The following COPG2 variants were observed in gnomAD, a reference collection of about 807,000 sequenced individuals.
COPG2 encodes coatomer subunit gamma-2.
COPG2 carries 37 observed loss-of-function variants against 46.3 expected under a neutral mutation model. The ratio of observed to expected loss-of-function variants is 0.80; its 90% CI spans 0.61 to 1.05. The LOEUF is 1.05. Among genes scored for constraint, COPG2 ranks in the 50% least tolerant of loss-of-function variants. COPG2 has a pLI of 0.00. For missense variants in COPG2, 427 were observed against 387.8 expected, an observed-to-expected ratio of 1.10 and a Z score of -0.85; for synonymous variants, 159 against 129.7, an observed-to-expected ratio of 1.23 and a Z score of -1.53.
At chr7:130,659,579 G>A (rs1006881727) in intron 4 of COPG2, among the ~76,000 whole-genome samples, 8 of 152,082 alleles carry the variant, frequency 5.3e-5, no homozygotes, top group Admixed American at 2.0e-4. Flanking sequence ...TAAAGTAGAA[G>A]TACATGTAAC....
At chr7:130,643,306 A>G (rs1795528158) in intron 5 of COPG2, among the ~76,000 whole-genome samples, 1 of 151,880 alleles carries the variant, frequency 6.6e-6, no homozygotes, top group Admixed American at 6.6e-5. Flanking sequence ...AAAAAAAAAA[A>G]ACCCACAAAA....
At chr7:130,668,176 C>T (rs1796126987) in intron 1 of COPG2, among the ~76,000 whole-genome samples, 1 of 152,202 alleles carries the variant, frequency 6.6e-6, no homozygotes, top group Admixed American at 6.5e-5. Flanking sequence ...CCGGTGACCC[C>T]AGGAAAACGA....
intron 20 of COPG2, among the ~76,000 whole-genome samples, chr7:130,539,605 A>G (rs1367737134): frequency 6.6e-6 from 1 of 152,212 alleles, no homozygotes; most frequent in Non-Finnish European, 1.5e-5. Context: ...ACAGACAGGC[A>G]GGTACCTTCC....
intron 9 of COPG2, among the ~76,000 whole-genome samples, chr7:130,586,979 T>C (rs1794286241): frequency 6.6e-6 from 1 of 151,976 alleles, no homozygotes; most frequent in Non-Finnish European, 1.5e-5. Context: ...TCCTATCCTT[T>C]AATATTAACC....
rs1021125104 is a variant in COPG2, at chr7:130,667,163, A to G, written c.91-234T>C. ...ACTTTATGGGCTATACCAGTTAAAT[A>G]AGGATCACAATACTTATCTATATCA... is the stretch of plus-strand genomic sequence containing the variant. On this transcript the variant is annotated intron_variant, in intron 2 of 23. Transcript: ENST00000425248. 3.9e-5 allele frequency among the ~76,000 whole-genome samples: 6 copies of G among 152,214 alleles called. No individual in the cohort carries two copies. The South Asian group carries it at 1.2e-3, about 32-fold the overall frequency.
At chr7:130,617,643 C>T (rs1554453085) in intron 5 of COPG2, among the ~76,000 whole-genome samples, 1 of 151,950 alleles carries the variant, frequency 6.6e-6, no homozygotes, top group Non-Finnish European at 1.5e-5. Flanking sequence ...AACCTTTTAC[C>T]CTCCCTTCTT....
At chr7:130,667,775 C>T (rs1009217489) in intron 1 of COPG2, among the ~76,000 whole-genome samples, 7 of 152,180 alleles carry the variant, frequency 4.6e-5, no homozygotes, top group African/African-American at 1.4e-4. Context: ...GTCTTCTTTC[C>T]CTGCCCTCTT....
At position 130,541,630 on chromosome 7, in the gene COPG2, T is replaced by C. The variant is rs1799938731; in HGVS notation, c.2149+6044A>G. ...AGAGGCAGATGTTCCCCAGAGTGTT[T>C]TTACACAGTGTGAAAGAAAGGATGA... On this transcript the variant is annotated intron_variant, in intron 20 of 23. Coordinates refer to ENST00000425248, the MANE Select transcript of COPG2 (RefSeq NM_012133.6). Among the ~76,000 whole-genome samples, 3 of 152,170 alleles carry C rather than the reference T, an allele frequency of 2.0e-5. No homozygotes were observed. The East Asian group carries it at 5.8e-4, about 29-fold the overall frequency.
rs375612506 is a variant in COPG2 at position 130,616,972 on chromosome 7, G to C, written c.399+18C>G. 1,167 of 1,561,772 alleles carry C rather than the reference G, an allele frequency of 7.5e-4. No individual in the cohort carries two copies. The highest frequency in any genetic ancestry group is 9.1e-4 in the Non-Finnish European group (1,033 of 1,135,876). On this transcript the variant is annotated intron_variant, in intron 6 of 23. Transcript: ENST00000425248. ...ACATAGTGTTCCATTTGGTAACTCAGTGAAACAGATAACTTACATCGGTGA... is the reference window on the plus strand; with the variant it reads ...ACATAGTGTTCCATTTGGTAACTCACTGAAACAGATAACTTACATCGGTGA...
chr7:130,593,109 C>A (rs949216016), intron 9 of COPG2, among the ~76,000 whole-genome samples: 1 of 152,182 alleles, frequency 6.6e-6, no homozygotes, highest in South Asian at 2.1e-4. Context: ...TGGCCATTTG[C>A]GCTTAATTAC....
At chr7:130,533,312 G>C (rs992419959) in intron 20 of COPG2, among the ~76,000 whole-genome samples, 1 of 151,876 alleles carries the variant, frequency 6.6e-6, no homozygotes, top group African/African-American at 2.4e-5. Context: ...TGGGGCACAA[G>C]GGTGGGGGTG....
chr7:130,512,845 C>G (rs1019731827), intron 20 of COPG2, among the ~76,000 whole-genome samples: 1 of 152,126 alleles, frequency 6.6e-6, no homozygotes, highest in Non-Finnish European at 1.5e-5. Context: ...CTAGAAGTTA[C>G]TCTGCTATGT....
chr7:130,589,229 C>T (rs782379235), intron 9 of COPG2, among the ~76,000 whole-genome samples: 1 of 151,946 alleles, frequency 6.6e-6, no homozygotes, highest in Non-Finnish European at 1.5e-5. Flanking sequence ...TGTTTCTCTG[C>T]AGCAGATATG....
rs1048672338 is a variant in COPG2, at chr7:130,562,215, C to T, written c.940-994G>A. 7.0e-3 allele frequency among the ~76,000 whole-genome samples: 1,065 copies of T among 152,152 alleles called. 7 individuals carry two copies. Among genetic ancestry groups the T allele is most frequent in the Middle Eastern group, 0.034 (10 of 294 alleles). On this transcript the variant is annotated intron_variant, in intron 11 of 23. Transcript: ENST00000425248. ...CTCTACTAAAAATACAAAAATTAGC[C>T]GGACGTGGTGGCAGGTGCCTGTGAT...
chr7:130,635,687 TTG>T (rs1795323802), intron 5 of COPG2, among the ~76,000 whole-genome samples: 2 of 152,238 alleles, frequency 1.3e-5, no homozygotes, highest in African/African-American at 2.4e-5. Context: ...GAAGGATTTT[TTG>T]TGTCTCTATC....
intron 20 of COPG2, among the ~76,000 whole-genome samples, chr7:130,525,893 A>C (rs1799769568): frequency 6.6e-6 from 1 of 151,890 alleles, no homozygotes; most frequent in Non-Finnish European, 1.5e-5. Flanking sequence ...CTATGTAAGA[A>C]GGTCTTAAAT....
chr7:130,645,025 G>C (rs1795566232), intron 5 of COPG2, among the ~76,000 whole-genome samples: 1 of 147,860 alleles, frequency 6.8e-6, no homozygotes, highest in Non-Finnish European at 1.5e-5. Flanking sequence ...TCACACCATT[G>C]CACTCCAGCC....
intron 9 of COPG2, among the ~76,000 whole-genome samples, chr7:130,591,248 G>A (rs1404704349): frequency 2.4e-5 from 3 of 125,234 alleles, no homozygotes; most frequent in Non-Finnish European, 3.4e-5. Flanking sequence ...CTGGCCAGCC[G>A]CTCCGTCCGG....
At chr7:130,523,326 A>C (rs896154346) in intron 20 of COPG2, among the ~76,000 whole-genome samples, 1 of 151,922 alleles carries the variant, frequency 6.6e-6, no homozygotes, top group Non-Finnish European at 1.5e-5. Context: ...TTCAGCTCAG[A>C]AAAAGTAAAG....
Sources: gnomAD v4.1 joint callset for allele counts (sites outside exome capture counted in the v4.1 genomes callset) on GRCh38, gnomAD v4.1.1 for gene constraint, MANE v1.5 for transcripts, NCBI Gene and HGNC (gene_info 2026-07-23, HGNC 2026-07-21) for gene names.